Variants in MACROD1 observed in about 807,000 individuals in gnomAD.
MACROD1 encodes the protein ADP-ribose glycohydrolase MACROD1.
A neutral mutation model predicts 41.4 loss-of-function variants in MACROD1; 31 were observed. The observed-to-expected ratio is 0.75, with a 90% CI of 0.56 to 1.01. The LOEUF is 1.01. Among genes scored for constraint, MACROD1 ranks in the 50% least tolerant of loss-of-function variants. The pLI, the probability that MACROD1 is intolerant of heterozygous loss-of-function variation, is 0.00. For synonymous variants in MACROD1, 252 were observed against 203.4 expected (o/e 1.24, Z -2.03); for missense variants, 473 against 460.0 (o/e 1.03, Z -0.26).
intron 3 of MACROD1, among the ~76,000 whole-genome samples, chr11:64,085,620 T>G (rs1030816535): frequency 6.6e-6 from 1 of 152,182 alleles, no homozygotes; most frequent in Non-Finnish European, 1.5e-5. Flanking sequence ...GACAGCCTTG[T>G]TCCTCTGCCC....
chr11:64,073,196 C>T (rs1944140449), intron 3 of MACROD1, among the ~76,000 whole-genome samples: 2 of 152,226 alleles, frequency 1.3e-5, no homozygotes, highest in African/African-American at 4.8e-5. Context: ...CTGCTTCTGC[C>T]TAAGTTTACC....
intron 3 of MACROD1, chr11:64,117,388 A>G (rs779228423): frequency 3.7e-6 from 6 of 1,612,176 alleles, no homozygotes; most frequent in Non-Finnish European, 5.1e-6. Flanking sequence ...ATTACCAGCG[A>G]GATGGACGAG....
At chr11:64,153,212 G>A (rs1283230946) in intron 1 of MACROD1, among the ~76,000 whole-genome samples, 5 of 152,104 alleles carry the variant, frequency 3.3e-5, no homozygotes, top group Non-Finnish European at 7.4e-5. Flanking sequence ...CGCCCCGACC[G>A]CGCCAGGCCA....
chr11:64,063,704 A>C (rs1425807943), intron 3 of MACROD1, among the ~76,000 whole-genome samples: 1 of 152,178 alleles, frequency 6.6e-6, no homozygotes, highest in Admixed American at 6.5e-5. Flanking sequence ...GACACACCTC[A>C]GCGGGTGCTG....
chr11:64,146,773 C>T lies in MACROD1; in HGVS notation c.517+4466G>A, dbSNP rs1407355654. On this transcript the variant is annotated intron_variant, in intron 3 of 10. Transcript: ENST00000255681. The surrounding 1 kb of genome is among the most constrained non-coding windows in gnomAD (Gnocchi z 4.7). ...ACACACATCACGCACACACACGCAT[C>T]ACACACATCATACAAATGCATACGC... Among the ~76,000 whole-genome samples the T allele has an allele frequency of 1.3e-5, 2 of 151,724 alleles. No homozygotes were observed. The highest frequency in any genetic ancestry group is 4.8e-5 in the African/African-American group (2 of 41,294).
intron 3 of MACROD1, chr11:64,116,893 G>A (rs762003363): frequency 1.2e-6 from 2 of 1,611,340 alleles, no homozygotes; most frequent in South Asian, 1.1e-5. Flanking sequence ...GATGACAACC[G>A]CATCTCCACC....
intron 3 of MACROD1, among the ~76,000 whole-genome samples, chr11:64,057,260 T>C (rs1943804167): frequency 6.6e-6 from 1 of 152,206 alleles, no homozygotes; most frequent in African/African-American, 2.4e-5. Flanking sequence ...GACAGCCCAT[T>C]GGTGGTTCCT....
chr11:64,025,015 C>T (rs918447077), intron 3 of MACROD1, among the ~76,000 whole-genome samples: 1 of 152,082 alleles, frequency 6.6e-6, no homozygotes, highest in African/African-American at 2.4e-5. Context: ...CTCACTCTGT[C>T]GCCCAGGCTG....
At chr11:64,040,223 A>T (rs1319452714) in intron 3 of MACROD1, among the ~76,000 whole-genome samples, 1 of 151,998 alleles carries the variant, frequency 6.6e-6, no homozygotes, top group Non-Finnish European at 1.5e-5. Context: ...CTGAAGGCGC[A>T]AAGTGGTGAG....
intron 1 of MACROD1, among the ~76,000 whole-genome samples, chr11:64,153,887 C>G (rs1945623227): frequency 6.6e-6 from 1 of 152,122 alleles, no homozygotes; most frequent in Non-Finnish European, 1.5e-5. Context: ...CTCCACCAGG[C>G]TGTCCTGCCT....
intron 3 of MACROD1, among the ~76,000 whole-genome samples, chr11:64,021,155 T>A (rs1943147562): frequency 6.6e-6 from 1 of 152,250 alleles, no homozygotes. Context: ...ACATTACAGA[T>A]GGTGCCCAGA....
At chr11:64,009,117 CCTT>C (rs1204522856) in intron 4 of MACROD1, 1 of 152,186 alleles carries the variant, frequency 6.6e-6, no homozygotes, top group African/African-American at 2.4e-5. Flanking sequence ...AAAGCCGGCT[CCTT>C]ATCTCCGAGT....
chr11:64,127,140 C>T (rs1945196071), intron 3 of MACROD1, among the ~76,000 whole-genome samples: 1 of 152,234 alleles, frequency 6.6e-6, no homozygotes, highest in African/African-American at 2.4e-5. Flanking sequence ...CGCCCTTTGG[C>T]CTCCTTCTTG....
At chr11:64,159,044 G>A (rs367570098) in intron 1 of MACROD1, among the ~76,000 whole-genome samples, 11 of 151,976 alleles carry the variant, frequency 7.2e-5, no homozygotes, top group South Asian at 2.1e-4. Context: ...AAATGAGGCC[G>A]GGTGCAGGGG....
chr11:64,018,287 G>T (rs1221896932), intron 3 of MACROD1, among the ~76,000 whole-genome samples: 1 of 152,224 alleles, frequency 6.6e-6, no homozygotes, highest in Admixed American at 6.5e-5. Flanking sequence ...TCCCACGGGT[G>T]GGGGGGCTCT....
intron 3 of MACROD1, among the ~76,000 whole-genome samples, chr11:64,037,269 T>TG (rs374310694): frequency 6.6e-5 from 10 of 151,860 alleles, no homozygotes; most frequent in African/African-American, 1.9e-4. Flanking sequence ...AGGCTGTCTG[T>TG]GGGGGGGACC....
rs553582029 is a variant in MACROD1 at position 64,025,564 on chromosome 11, G to A, written c.518-10283C>T. Among the ~76,000 whole-genome samples the A allele has an allele frequency of 9.2e-5, 14 of 152,314 alleles. No individual in the cohort carries two copies. In the South Asian group the frequency reaches 2.9e-3, roughly 32 times the overall value. Reference sequence around the variant, plus strand: ...TGGATTTGGCATGTTATTTTCTTTAGAGTTTTACTATGCGTGCCCCTCAAC... The same window carrying A: ...TGGATTTGGCATGTTATTTTCTTTAAAGTTTTACTATGCGTGCCCCTCAAC... On this transcript the variant is annotated intron_variant, in intron 3 of 10. Coordinates refer to ENST00000255681, the MANE Select transcript of MACROD1 (RefSeq NM_014067.4).
At chr11:64,018,721 CACA>C (rs1428099431) in intron 3 of MACROD1, among the ~76,000 whole-genome samples, 4 of 152,228 alleles carry the variant, frequency 2.6e-5, no homozygotes, top group East Asian at 1.9e-4. Context: ...CTGGTCCTTA[CACA>C]ACAAGTCATC....
chr11:64,113,360 TGATG>T (rs1191481891), intron 3 of MACROD1, among the ~76,000 whole-genome samples: 9 of 152,194 alleles, frequency 5.9e-5, no homozygotes, highest in East Asian at 5.8e-4. Flanking sequence ...GTTGGATGCA[TGATG>T]GATGGATGGA....
Sources: gnomAD v4.1 joint callset for allele counts (sites outside exome capture counted in the v4.1 genomes callset) on GRCh38, gnomAD v4.1.1 for gene constraint, Gnocchi (gnomAD v3.1) non-coding constraint, MANE v1.5 for transcripts, NCBI Gene and HGNC (gene_info 2026-07-23, HGNC 2026-07-21) for gene names.